The following FRK variants were observed in gnomAD, a reference collection of about 807,000 sequenced individuals.
FRK encodes fyn related Src family tyrosine kinase.
A neutral mutation model predicts 56.4 loss-of-function variants in FRK; 51 were observed. The ratio of observed to expected loss-of-function variants is 0.90; its 90% CI spans 0.72 to 1.14. The LOEUF (loss-of-function observed/expected upper bound fraction) is 1.14. Ranked by LOEUF, FRK falls within the 50% of genes most tolerant of loss-of-function variation. The pLI, the probability that FRK is intolerant of heterozygous loss-of-function variation, is 0.00. For synonymous variants in FRK, 245 were observed against 217.9 expected (o/e 1.12, Z -1.10); for missense variants, 570 against 601.4 (o/e 0.95, Z 0.55).
chr6:116,032,265 A>G (rs1261760223), intron 1 of FRK, among the ~76,000 whole-genome samples: 1 of 152,124 alleles, frequency 6.6e-6, no homozygotes, highest in Admixed American at 6.6e-5. Flanking sequence ...AAAACATAAT[A>G]AAAGTCAAAA....
intron 2 of FRK, among the ~76,000 whole-genome samples, chr6:115,981,640 A>G (rs1774204953): frequency 6.6e-6 from 1 of 152,058 alleles, no homozygotes; most frequent in South Asian, 2.1e-4. Flanking sequence ...TCCCCACCCA[A>G]TTTCAGCAAT....
the FRK span, among the ~76,000 whole-genome samples, chr6:116,070,843 G>C: frequency 2.4e-4 from 37 of 152,134 alleles, no homozygotes; most frequent in Non-Finnish European, 3.8e-4. Context: ...AAATTGGATA[G>C]AGCTTCAAGA....
At chr6:116,009,629 A>G (rs1299066960) in intron 1 of FRK, among the ~76,000 whole-genome samples, 1 of 152,194 alleles carries the variant, frequency 6.6e-6, no homozygotes, top group Admixed American at 6.6e-5. Flanking sequence ...ACAATAACCA[A>G]GAAGAAGATT....
At chr6:116,003,686 A>T (rs1220616146) in intron 2 of FRK, among the ~76,000 whole-genome samples, 191 bp downstream of exon 2, 1 of 152,136 alleles carries the variant, frequency 6.6e-6, no homozygotes, top group East Asian at 1.9e-4. Flanking sequence ...GTTTATAGAG[A>T]CTTCTAGCCA....
rs1403495867 is a variant in FRK at position 115,942,615 on chromosome 6, AC to A, written c.1316del (p.Gly439ValfsTer4). The A allele has an allele frequency of 6.2e-6, 10 of 1,612,842 alleles. No individual in the cohort carries two copies. Among genetic ancestry groups the A allele is most frequent in the Non-Finnish European group, 8.5e-6 (10 of 1,179,158 alleles). On this transcript the variant is annotated frameshift_variant, in exon 8 of 8. Coordinates refer to ENST00000606080, the MANE Select transcript of FRK (RefSeq NM_002031.3). LOFTEE classifies it high-confidence loss of function. Reference sequence around the variant, plus strand: ...GAGCCAACATCTGGATTACCTGGGCACCTGTCATACCTTGAAAATACAGAAC... The same window carrying A: ...GAGCCAACATCTGGATTACCTGGGCACTGTCATACCTTGAAAATACAGAAC... The part of the protein sequence containing the change: ...YGKMPYSGMT[G>X]AQVIQMLAQN...
At chr6:116,078,659 G>A in the FRK span, among the ~76,000 whole-genome samples, 14,604 of 152,168 alleles carry the variant, frequency 0.096, 884 homozygotes, top group East Asian at 0.18. Context: ...TGTCAGATGC[G>A]TGCTCATGTA....
intron 1 of FRK, among the ~76,000 whole-genome samples, chr6:116,046,445 G>T (rs1582753947): frequency 6.6e-6 from 1 of 152,192 alleles, no homozygotes; most frequent in African/African-American, 2.4e-5. Context: ...GGAATACTAT[G>T]CAGCCATAAA....
intron 1 of FRK, among the ~76,000 whole-genome samples, chr6:116,007,757 A>C (rs2114704541): frequency 6.6e-6 from 1 of 152,318 alleles, no homozygotes; most frequent in Non-Finnish European, 1.5e-5. Context: ...TGTCCTATTA[A>C]TACACTATAA....
chr6:115,985,582 A>G (rs1774361711), intron 2 of FRK, among the ~76,000 whole-genome samples: 1 of 152,080 alleles, frequency 6.6e-6, no homozygotes, highest in African/African-American at 2.4e-5. Context: ...TTTACTTTCT[A>G]GCTGTGTGAC....
Position 115,940,072 on chromosome 6 carries a change from T to G in FRK, c.*2342A>C, listed in dbSNP as rs1385233917. On this transcript the variant is annotated 3_prime_UTR_variant, in exon 8 of 8. Transcript: ENST00000606080. ...GTTATAGGCATCATGCTACCTGACT[T>G]CAAACTATACTACAAGGCTACAGTA... The G allele has an allele frequency of 6.6e-6, 1 of 152,180 alleles. No homozygotes were observed. Among genetic ancestry groups the G allele is most frequent in the East Asian group, 1.9e-4 (1 of 5,192 alleles). The allele number at this position is 152,180 out of a possible 1,614,324, so 9.4% of individuals were successfully genotyped here. A position where few individuals can be genotyped will look rare whatever the true frequency, so the allele number is the denominator to read the frequency against.
chr6:115,994,330 C>CG (rs1323269088), intron 2 of FRK, among the ~76,000 whole-genome samples: 2 of 105,792 alleles, frequency 1.9e-5, no homozygotes, highest in African/African-American at 6.4e-5. Flanking sequence ...AACCTCCCCC[C>CG]CCCCCGCCTT....
Position 116,016,313 on chromosome 6 carries a change from C to T in FRK, c.345-12315G>A, listed in dbSNP as rs1033238736. Among the ~76,000 whole-genome samples, 68 of 152,244 alleles carry T rather than the reference C, an allele frequency of 4.5e-4. 1 individual carries two copies. The highest frequency in any genetic ancestry group is 1.6e-3 in the African/African-American group (67 of 41,546). On this transcript the variant is annotated intron_variant, in intron 1 of 7. Coordinates refer to ENST00000606080, the MANE Select transcript of FRK (RefSeq NM_002031.3). Reference sequence around the variant, plus strand: ...TCTATAGTAGGTTGACTATAGTTAACATTAATCTACTGTTCCTTATTTGAA... The same window carrying T: ...TCTATAGTAGGTTGACTATAGTTAATATTAATCTACTGTTCCTTATTTGAA...
the FRK span, among the ~76,000 whole-genome samples, chr6:116,092,222 C>T: frequency 6.6e-6 from 1 of 152,174 alleles, no homozygotes; most frequent in Non-Finnish European, 1.5e-5. Flanking sequence ...AGGATCTCCC[C>T]TCAGACTAGA....
chr6:115,942,077 T>A lies in FRK; in HGVS notation c.*337A>T. On this transcript the variant is annotated 3_prime_UTR_variant, in exon 8 of 8. Transcript: ENST00000606080. The stretch of plus-strand genomic sequence containing the variant: ...AACAGGAAAATGCTACAACAGTCAC[T>A]GAGTAAAAATTGGACTATCATCTGT... The A allele has an allele frequency of 4.2e-6, 1 of 240,088 alleles. No homozygotes were observed. The allele number at this position is 240,088 out of a possible 1,614,324, so 14.9% of individuals were successfully genotyped here.
intron 1 of FRK, among the ~76,000 whole-genome samples, chr6:116,026,150 C>T (rs1185866051): frequency 6.6e-6 from 1 of 152,084 alleles, no homozygotes; most frequent in Non-Finnish European, 1.5e-5. Flanking sequence ...GAACAGGGGC[C>T]TTATCTTTCC....
At chr6:116,006,760 C>A (rs938310410) in intron 1 of FRK, among the ~76,000 whole-genome samples, 4 of 152,158 alleles carry the variant, frequency 2.6e-5, no homozygotes, top group Non-Finnish European at 4.4e-5. Flanking sequence ...GAGTTCAAGG[C>A]TGTAGTGCAC....
chr6:115,998,221 CCG>C (rs1363082260), intron 2 of FRK, among the ~76,000 whole-genome samples: 1 of 152,178 alleles, frequency 6.6e-6, no homozygotes, highest in Non-Finnish European at 1.5e-5. Flanking sequence ...AGTGATTCCA[CCG>C]TGTGTGTTCC....
chr6:116,027,530 T>C lies in FRK; in HGVS notation c.345-23532A>G, dbSNP rs191390366. Among the ~76,000 whole-genome samples, 287 of 152,236 alleles carry C rather than the reference T, an allele frequency of 1.9e-3. 1 individual carries two copies. Among genetic ancestry groups the C allele is most frequent in the Admixed American group, 5.0e-3 (77 of 15,274 alleles). The stretch of plus-strand genomic sequence containing the variant: ...TAAAAACTAGGCACAACAATGTAAA[T>C]TTAGAAAAATTGGAGTTTGGAGTTT... On this transcript the variant is annotated intron_variant, in intron 1 of 7. Transcript: ENST00000606080.
chr6:116,044,416 A>ACATAT (rs1776857149), intron 1 of FRK, among the ~76,000 whole-genome samples: 1 of 152,246 alleles, frequency 6.6e-6, no homozygotes, highest in Non-Finnish European at 1.5e-5. Flanking sequence ...TTCGGATGCA[A>ACATAT]GGCTTACTCA....
Sources: allele counts gnomAD v4.1 joint callset (sites outside exome capture counted in the v4.1 genomes callset), GRCh38; gene constraint gnomAD v4.1.1; transcripts MANE v1.5; gene names NCBI Gene and HGNC (gene_info 2026-07-23, HGNC 2026-07-21).